Variants in TMEM132D observed in about 807,000 individuals in gnomAD.
TMEM132D encodes transmembrane protein 132D.
A neutral mutation model predicts 62.3 loss-of-function variants in TMEM132D; 21 were observed. The ratio of observed to expected loss-of-function variants is 0.34; its 90% CI spans 0.24 to 0.49. TMEM132D has a LOEUF of 0.49. TMEM132D is among the 20% of genes least tolerant of loss of function. The pLI, the probability that TMEM132D is intolerant of heterozygous loss-of-function variation, is 0.99. For synonymous variants in TMEM132D, 621 were observed against 575.6 expected (o/e 1.08, Z -1.13); for missense variants, 1,346 against 1,402.8 (o/e 0.96, Z 0.65).
At chr12:129,568,474 C>G (rs1250475006) in intron 2 of TMEM132D, among the ~76,000 whole-genome samples, 1 of 152,162 alleles carries the variant, frequency 6.6e-6, no homozygotes, top group Non-Finnish European at 1.5e-5. Context: ...GTCTGACTGT[C>G]TCTTGGGAAT....
chr12:129,448,407 C>G lies in TMEM132D; in HGVS notation c.1115+82652G>C, dbSNP rs1288323993. ...ACCCTCCAGTAGGCCCCAGTGGGTG[C>G]TGTTCCCCTCAGTGTGTCCATGTGT... On this transcript the variant is annotated intron_variant, in intron 3 of 8. Transcript: ENST00000422113. Among the ~76,000 whole-genome samples, 6 of 152,272 alleles carry G rather than the reference C, an allele frequency of 3.9e-5. No homozygotes were observed. In the East Asian group the frequency reaches 1.2e-3, roughly 29 times the overall value.
intron 1 of TMEM132D, among the ~76,000 whole-genome samples, chr12:129,902,469 A>G (rs952138778): frequency 2.7e-5 from 4 of 149,256 alleles, no homozygotes; most frequent in African/African-American, 9.7e-5. Flanking sequence ...TTCAAGGAAG[A>G]ATGACTGTCC....
intron 1 of TMEM132D, among the ~76,000 whole-genome samples, chr12:129,820,991 G>T (rs935919071): frequency 3.9e-5 from 6 of 152,106 alleles, no homozygotes; most frequent in African/African-American, 1.4e-4. Flanking sequence ...AGCCTCTCTG[G>T]CCTGCTTCTC....
intron 4 of TMEM132D, among the ~76,000 whole-genome samples, chr12:129,314,201 C>G (rs1868405897): frequency 6.6e-6 from 1 of 152,128 alleles, no homozygotes; most frequent in Non-Finnish European, 1.5e-5. Flanking sequence ...AAGGCAATGT[C>G]TAGAAGGGTT....
chr12:129,217,137 T>C (rs1879228059), intron 4 of TMEM132D, among the ~76,000 whole-genome samples: 1 of 152,196 alleles, frequency 6.6e-6, no homozygotes, highest in South Asian at 2.1e-4. Flanking sequence ...ATAAAAATAG[T>C]GTAATGTGAG....
intron 5 of TMEM132D, among the ~76,000 whole-genome samples, chr12:129,102,267 G>T (rs371469010): frequency 3.9e-5 from 6 of 152,174 alleles, no homozygotes; most frequent in African/African-American, 1.2e-4. Flanking sequence ...TTCTGAGCCT[G>T]CTGGAAAAAC....
intron 2 of TMEM132D, among the ~76,000 whole-genome samples, chr12:129,659,820 T>C (rs1289773271): frequency 1.3e-5 from 2 of 152,248 alleles, no homozygotes; most frequent in Non-Finnish European, 2.9e-5. Flanking sequence ...TGGTATTCTC[T>C]AAATTTTCAG....
chr12:129,700,122 G>A lies in TMEM132D; in HGVS notation c.656C>T (p.Pro219Leu), dbSNP rs146143180. ...VAGRRKSVDQ[P>L]EGTPVELYYT... ...GTAGAGCTCCACGGGGGTCCCCTCC[G>A]GCTGGTCCACGGACTTCCTCCTCCC... is the stretch of plus-strand genomic sequence containing the variant. Residue 219 changes from proline (P) to leucine (L), a missense_variant, in exon 2 of 9, where the codon CCG (proline) becomes CTG (leucine). Physicochemically the swap from Pro to Leu is moderately conservative, Grantham distance 98. Coordinates refer to ENST00000422113, the MANE Select transcript of TMEM132D (RefSeq NM_133448.3). The A allele has an allele frequency of 6.4e-5, 103 of 1,613,114 alleles. No individual in the cohort carries two copies. Among genetic ancestry groups the A allele is most frequent in the Admixed American group, 6.7e-5 (4 of 59,996 alleles).
At chr12:129,871,787 A>T (rs1874251307) in intron 1 of TMEM132D, among the ~76,000 whole-genome samples, 1 of 152,164 alleles carries the variant, frequency 6.6e-6, no homozygotes, top group South Asian at 2.1e-4. Context: ...TGGGCTCCAG[A>T]TCTAGGGTCA....
At chr12:129,581,718 G>A (rs911786387) in intron 2 of TMEM132D, among the ~76,000 whole-genome samples, 17 of 152,172 alleles carry the variant, frequency 1.1e-4, no homozygotes, top group East Asian at 5.8e-4. Flanking sequence ...CAGACTGAGC[G>A]TGGGTCTGCC....
rs144304250 is a variant in TMEM132D at position 129,600,352 on chromosome 12, C to T, written c.969-69147G>A. Reference sequence around the variant, plus strand: ...AGCTCTCTTGCTGTTTCCACACCTGCGGTGACTTCCTCCACTGAAGTCTTG... The same window carrying T: ...AGCTCTCTTGCTGTTTCCACACCTGTGGTGACTTCCTCCACTGAAGTCTTG... On this transcript the variant is annotated intron_variant, in intron 2 of 8. Transcript: ENST00000422113. Among the ~76,000 whole-genome samples the T allele has an allele frequency of 4.1e-3, 623 of 152,298 alleles. 2 individuals are homozygous for T. The highest frequency in any genetic ancestry group is 0.014 in the African/African-American group (586 of 41,570).
chr12:129,199,661 A>G (rs549184870), intron 5 of TMEM132D, among the ~76,000 whole-genome samples: 2 of 152,320 alleles, frequency 1.3e-5, no homozygotes, highest in South Asian at 4.1e-4. Context: ...ACAGTTCCAC[A>G]TGGCTGGGAG....
At chr12:129,874,700 C>CT (rs71085583) in intron 1 of TMEM132D, among the ~76,000 whole-genome samples, 55,046 of 117,622 alleles carry the variant, frequency 0.47, 13,774 homozygotes, top group East Asian at 0.66. Flanking sequence ...TCACATTTTT[C>CT]TTTTTTTTTT....
At chr12:129,477,138 G>A (rs190815191) in intron 3 of TMEM132D, among the ~76,000 whole-genome samples, 1 of 152,212 alleles carries the variant, frequency 6.6e-6, no homozygotes, top group Admixed American at 6.5e-5. Flanking sequence ...AGCATTCCTG[G>A]TCTTTACCCA....
chr12:129,108,070 T>C (rs138853762), intron 5 of TMEM132D, among the ~76,000 whole-genome samples: 85 of 152,290 alleles, frequency 5.6e-4, no homozygotes, highest in African/African-American at 1.9e-3. Flanking sequence ...CTTCTGACCA[T>C]GAAATGCAAG....
chr12:129,596,834 C>T (rs978273810), intron 2 of TMEM132D, among the ~76,000 whole-genome samples: 62 of 151,870 alleles, frequency 4.1e-4, no homozygotes, highest in African/African-American at 2.4e-5. Flanking sequence ...CCAATAAAGC[C>T]CTTCTAAATA....
intron 2 of TMEM132D, among the ~76,000 whole-genome samples, chr12:129,623,724 C>T (rs934012276): frequency 0.022 from 3,168 of 145,434 alleles, 114 homozygotes; most frequent in African/African-American, 0.075. Flanking sequence ...CATATATATA[C>T]ATACATATAT....
intron 3 of TMEM132D, among the ~76,000 whole-genome samples, chr12:129,343,089 G>C (rs565195553): frequency 6.6e-5 from 10 of 152,324 alleles, no homozygotes; most frequent in Admixed American, 2.0e-4. Context: ...TATACCCAAA[G>C]GATTGTAAAT....
intron 1 of TMEM132D, among the ~76,000 whole-genome samples, chr12:129,864,005 C>G (rs1873980812): frequency 6.6e-6 from 1 of 152,164 alleles, no homozygotes; most frequent in African/African-American, 2.4e-5. Flanking sequence ...ACCACTAGCA[C>G]CAGTGAGGGC....
Sources: allele counts gnomAD v4.1 joint callset (sites outside exome capture counted in the v4.1 genomes callset), GRCh38; gene constraint gnomAD v4.1.1; transcripts MANE v1.5; gene names NCBI Gene and HGNC (gene_info 2026-07-23, HGNC 2026-07-21).